The following PRELID2 variants were observed in gnomAD, a reference collection of about 807,000 sequenced individuals.
PRELID2 encodes the protein PRELI domain containing 2, also known as PRELI domain-containing protein 2.
A neutral mutation model predicts 28.4 loss-of-function variants in PRELID2; 25 were observed. The ratio of observed to expected loss-of-function variants is 0.88; its 90% CI spans 0.64 to 1.23. PRELID2 has a LOEUF of 1.23. Among genes scored for constraint, PRELID2 ranks in the 50% most tolerant of loss-of-function variants. The pLI is 0.00. For synonymous variants in PRELID2, 76 were observed against 71.6 expected (o/e 1.06, Z -0.31); for missense variants, 201 against 214.4 (o/e 0.94, Z 0.39).
chr5:145,679,480 A>G (rs1359560690), intron 1 of PRELID2, among the ~76,000 whole-genome samples: 2 of 152,160 alleles, frequency 1.3e-5, no homozygotes, highest in Non-Finnish European at 2.9e-5. Context: ...TATTATTTTC[A>G]TAGAGTTCAT....
At chr5:145,271,378 C>T in the PRELID2 span, among the ~76,000 whole-genome samples, 2 of 152,038 alleles carry the variant, frequency 1.3e-5, no homozygotes, top group East Asian at 3.9e-4. Flanking sequence ...GCATGTATTA[C>T]CATGCTGGGA....
chr5:145,611,203 G>A (rs1225828971), intron 1 of PRELID2, among the ~76,000 whole-genome samples: 1 of 151,780 alleles, frequency 6.6e-6, no homozygotes, highest in Non-Finnish European at 1.5e-5. Flanking sequence ...TTGTTCTGTT[G>A]CCCAGGCTGG....
At chr5:145,262,295 TC>T in the PRELID2 span, among the ~76,000 whole-genome samples, 3 of 151,952 alleles carry the variant, frequency 2.0e-5, no homozygotes, top group East Asian at 5.8e-4. Context: ...GAGGAAAACT[TC>T]CTAGAGAGCT....
intron 1 of PRELID2, among the ~76,000 whole-genome samples, chr5:145,683,287 G>C (rs1028058452): frequency 7.9e-5 from 12 of 152,120 alleles, no homozygotes; most frequent in African/African-American, 2.9e-4. Context: ...GTAATGATGT[G>C]TTCTATACTA....
At chr5:145,693,493 G>A (rs1367244844) in intron 1 of PRELID2, among the ~76,000 whole-genome samples, 1 of 152,070 alleles carries the variant, frequency 6.6e-6, no homozygotes, top group Non-Finnish European at 1.5e-5. Context: ...AATTAGCCAG[G>A]TGCAGTGGCT....
At chr5:145,355,573 A>C in the PRELID2 span, among the ~76,000 whole-genome samples, 1 of 152,166 alleles carries the variant, frequency 6.6e-6, no homozygotes, top group Non-Finnish European at 1.5e-5. Context: ...GCAGCAAACC[A>C]TGCATATACC....
At chr5:145,807,308 T>C (rs1034201341) in intron 4 of PRELID2, among the ~76,000 whole-genome samples, 2 of 152,204 alleles carry the variant, frequency 1.3e-5, no homozygotes, top group African/African-American at 4.8e-5. Flanking sequence ...CTAAACATGA[T>C]TGTTTCTAGC....
chr5:145,440,010 GA>G, the PRELID2 span, among the ~76,000 whole-genome samples: 1 of 151,984 alleles, frequency 6.6e-6, no homozygotes, highest in Non-Finnish European at 1.5e-5. Context: ...ATCTTCCAGG[GA>G]AACCTCTATC....
chr5:145,672,498 T>C (rs1754727097), intron 1 of PRELID2, among the ~76,000 whole-genome samples: 1 of 134,698 alleles, frequency 7.4e-6, no homozygotes, highest in Non-Finnish European at 1.5e-5. Context: ...CCACGGAGCT[T>C]GTGAAAAAAA....
intron 1 of PRELID2, among the ~76,000 whole-genome samples, chr5:145,713,763 G>T (rs1218612365): frequency 7.0e-6 from 1 of 142,234 alleles, no homozygotes; most frequent in East Asian, 2.0e-4. Context: ...ATATATATAT[G>T]CCAGAAGACA....
chr5:145,406,549 G>T, the PRELID2 span, among the ~76,000 whole-genome samples: 1 of 152,186 alleles, frequency 6.6e-6, no homozygotes, highest in Non-Finnish European at 1.5e-5. Flanking sequence ...TGCATACATT[G>T]TGAGGAAAAT....
At chr5:145,494,075 A>G (rs1752289665) in intron 1 of PRELID2, among the ~76,000 whole-genome samples, 1 of 152,182 alleles carries the variant, frequency 6.6e-6, no homozygotes, top group Non-Finnish European at 1.5e-5. Flanking sequence ...TTACAAGCAT[A>G]TCTCATTTGT....
intron 1 of PRELID2, among the ~76,000 whole-genome samples, chr5:145,733,037 G>A (rs1315785526): frequency 6.7e-6 from 1 of 149,076 alleles, no homozygotes; most frequent in Non-Finnish European, 1.5e-5. Flanking sequence ...GTTGAGCCCA[G>A]GAGTTTGAGA....
rs148210879 is a variant in PRELID2, at chr5:145,709,456, C to T, written n.70+55475G>A. Among the ~76,000 whole-genome samples, 118 of 152,232 alleles carry T rather than the reference C, an allele frequency of 7.8e-4. No homozygotes were observed. In the East Asian group the frequency reaches 0.022, roughly 28 times the overall value. ...GCTTCCAGATCCATCTGCAGTTATA[C>T]ATCAGAATTGCTTCATCATGCAAGT... On this transcript the variant is annotated intron_variant and non_coding_transcript_variant, in intron 1 of 2. Coordinates refer to the PRELID2 transcript ENST00000510259.
At chr5:145,369,120 T>A in the PRELID2 span, among the ~76,000 whole-genome samples, 1 of 151,966 alleles carries the variant, frequency 6.6e-6, no homozygotes, top group Admixed American at 6.6e-5. Flanking sequence ...TTTAGCTCCA[T>A]CCATATTCCT....
chr5:145,297,796 A>G, the PRELID2 span, among the ~76,000 whole-genome samples: 1 of 152,092 alleles, frequency 6.6e-6, no homozygotes, highest in South Asian at 2.1e-4. Context: ...TCAAGGTACA[A>G]AAATCACAAG....
chr5:145,761,214 C>T (rs1187672742), intron 6 of PRELID2, among the ~76,000 whole-genome samples: 1 of 152,150 alleles, frequency 6.6e-6, no homozygotes, highest in African/African-American at 2.4e-5. Flanking sequence ...TTAAAAATTG[C>T]AAAATTCCAA....
the PRELID2 span, among the ~76,000 whole-genome samples, chr5:145,318,885 G>A: frequency 6.6e-6 from 1 of 152,180 alleles, no homozygotes; most frequent in Non-Finnish European, 1.5e-5. Context: ...GAATGCAGGG[G>A]ATTTTATTGC....
intron 5 of PRELID2, among the ~76,000 whole-genome samples, chr5:145,770,047 T>C (rs1392205060): frequency 5.9e-5 from 9 of 152,200 alleles, no homozygotes; most frequent in Non-Finnish European, 5.9e-5. Flanking sequence ...CATAGCCCAA[T>C]ACATTCCTCA....
Sources: allele counts gnomAD v4.1 joint callset (sites outside exome capture counted in the v4.1 genomes callset), GRCh38; gene constraint gnomAD v4.1.1; transcripts MANE v1.5; gene names NCBI Gene and HGNC (gene_info 2026-07-23, HGNC 2026-07-21).